The following SIL1 variants were observed in gnomAD, a reference collection of about 807,000 sequenced individuals.
SIL1 encodes SIL1 nucleotide exchange factor.
In SIL1, 40 loss-of-function variants were observed where a neutral mutation model predicts 49.1. That is an observed-to-expected ratio of 0.81 (90% CI 0.63 to 1.06). SIL1 has a LOEUF of 1.06. Ranked by LOEUF, SIL1 falls within the 50% of genes least tolerant of loss-of-function variation. The pLI is 0.00. For synonymous variants in SIL1, 253 were observed against 250.8 expected, an observed-to-expected ratio of 1.01 and a Z score of -0.08; for missense variants, 500 against 572.6, an observed-to-expected ratio of 0.87 and a Z score of 1.29.
Position 139,154,622 on chromosome 5 carries a change from C to T in SIL1, c.-10-26769G>A, listed in dbSNP as rs1463182013. On this transcript the variant is annotated intron_variant, in intron 1 of 9. Coordinates refer to ENST00000394817, the MANE Select transcript of SIL1 (RefSeq NM_022464.5). ...TCCTGCCCCTTGCCCAGGAATACCC[C>T]GGTGTAAAAAATATTTTGCAATATA... is the stretch of plus-strand genomic sequence containing the variant. 2.6e-5 allele frequency among the ~76,000 whole-genome samples: 4 copies of T among 152,162 alleles called. No individual in the cohort carries two copies. The East Asian group carries it at 5.8e-4, about 22-fold the overall frequency.
At chr5:138,956,543 A>G (rs777821271) in intron 7 of SIL1, among the ~76,000 whole-genome samples, 1 of 152,162 alleles carries the variant, frequency 6.6e-6, no homozygotes, top group Non-Finnish European at 1.5e-5. Context: ...CAGGAGTCCA[A>G]GACTAGTCTG....
chr5:138,991,786 G>A (rs1267371559), intron 7 of SIL1, among the ~76,000 whole-genome samples: 3 of 152,224 alleles, frequency 2.0e-5, no homozygotes, highest in Non-Finnish European at 4.4e-5. Context: ...GGCAGAAGGA[G>A]AGAAGAGAAG....
intron 1 of SIL1, among the ~76,000 whole-genome samples, chr5:139,191,619 TA>T (rs202242246): frequency 0.049 from 6,853 of 139,718 alleles, 163 homozygotes; most frequent in African/African-American, 0.07. Context: ...CCTGTCTCTT[TA>T]AAAAAAAAAA....
chr5:139,003,569 C>T (rs971896806), intron 7 of SIL1, among the ~76,000 whole-genome samples: 1 of 152,182 alleles, frequency 6.6e-6, no homozygotes, highest in Non-Finnish European at 1.5e-5. Flanking sequence ...ACAAGTTTTA[C>T]TAGGAGTGGG....
intron 3 of SIL1, among the ~76,000 whole-genome samples, chr5:139,095,655 T>C (rs1436065072): frequency 1.3e-5 from 2 of 151,934 alleles, no homozygotes; most frequent in African/African-American, 2.4e-5. Context: ...GTGCAAAAAA[T>C]ACAAAATTAC....
chr5:139,104,969 G>A (rs1457977471), intron 3 of SIL1, among the ~76,000 whole-genome samples: 1 of 152,122 alleles, frequency 6.6e-6, no homozygotes, highest in Non-Finnish European at 1.5e-5. Context: ...AGGAAAAGCG[G>A]AAGAAATGAG....
intron 1 of SIL1, among the ~76,000 whole-genome samples, chr5:139,185,557 C>T (rs1050985511): frequency 3.3e-5 from 5 of 152,072 alleles, no homozygotes; most frequent in African/African-American, 4.8e-5. Flanking sequence ...AACTTATGAC[C>T]GATGTCAAGT....
At chr5:139,116,781 G>A in intron 3 of SIL1, among the ~76,000 whole-genome samples, 1 of 152,160 alleles carries the variant, frequency 6.6e-6, no homozygotes, top group Admixed American at 6.5e-5. Flanking sequence ...CCAGAACAAA[G>A]GTATATATTT....
chr5:139,076,252 T>C (rs1769946243), intron 3 of SIL1, among the ~76,000 whole-genome samples: 1 of 152,222 alleles, frequency 6.6e-6, no homozygotes, highest in African/African-American at 2.4e-5. Flanking sequence ...CTGATCCTAT[T>C]TCTCTCTTGT....
intron 7 of SIL1, among the ~76,000 whole-genome samples, chr5:138,957,345 A>T (rs571578806): frequency 6.6e-6 from 1 of 150,744 alleles, no homozygotes; most frequent in East Asian, 2.0e-4. Flanking sequence ...CTAAGGTGGG[A>T]GGACTGCTTG....
At chr5:139,101,029 G>A (rs1407758650) in intron 3 of SIL1, among the ~76,000 whole-genome samples, 2 of 151,844 alleles carry the variant, frequency 1.3e-5, no homozygotes, top group Admixed American at 1.3e-4. Context: ...GAGGTCCAAG[G>A]ACTGAGCCTG....
intron 3 of SIL1, among the ~76,000 whole-genome samples, chr5:139,084,073 G>GGTTACT (rs1326499554): frequency 6.8e-6 from 1 of 147,558 alleles, no homozygotes; most frequent in Non-Finnish European, 1.5e-5. Context: ...ATGCTGTTTT[G>GGTTACT]GTTACTGTAG....
rs188721465 is a variant in SIL1 at position 139,161,356 on chromosome 5, C to T, written c.-10-33503G>A. Among the ~76,000 whole-genome samples, 14 of 152,162 alleles carry T rather than the reference C, an allele frequency of 9.2e-5. No individual in the cohort carries two copies. The East Asian group carries it at 2.3e-3, about 25-fold the overall frequency. ...TGTCCAATATCCTTCATTTGAGAGC[C>T]GTATAGTGAAGAGTAGACAACATCT... On this transcript the variant is annotated intron_variant, in intron 1 of 9. Transcript: ENST00000394817.
At chr5:139,019,408 A>G (rs933873527) in intron 7 of SIL1, among the ~76,000 whole-genome samples, 1 of 152,218 alleles carries the variant, frequency 6.6e-6, no homozygotes, top group African/African-American at 2.4e-5. Context: ...CTCTGGCGCC[A>G]TACCATGCTG....
chr5:139,176,773 G>C (rs1048819427), intron 1 of SIL1, among the ~76,000 whole-genome samples: 7 of 152,000 alleles, frequency 4.6e-5, no homozygotes, highest in Non-Finnish European at 8.8e-5. Context: ...GAACCACCTC[G>C]AGGGTTAGGT....
intron 3 of SIL1, among the ~76,000 whole-genome samples, chr5:139,099,835 A>C (rs1770548264): frequency 6.6e-6 from 1 of 152,198 alleles, no homozygotes; most frequent in Admixed American, 6.5e-5. Flanking sequence ...ATATTAAAAA[A>C]ATAGAAAGAA....
intron 4 of SIL1, among the ~76,000 whole-genome samples, chr5:139,044,467 C>T (rs1769108570): frequency 6.6e-6 from 1 of 152,202 alleles, no homozygotes; most frequent in East Asian, 1.9e-4. Context: ...ACTACATACA[C>T]ACAAGCATGC....
Position 138,947,045 on chromosome 5 carries a change from C to G in SIL1, c.*72G>C, listed in dbSNP as rs1337572310. The G allele has an allele frequency of 1.7e-6, 2 of 1,209,876 alleles. No homozygotes were observed. Among genetic ancestry groups the G allele is most frequent in the Non-Finnish European group, 2.4e-6 (2 of 831,014 alleles). The allele number at this position is 1,209,876 out of a possible 1,614,324, so 74.9% of individuals were successfully genotyped here. On this transcript the variant is annotated 3_prime_UTR_variant, in exon 10 of 10. Transcript: ENST00000394817. This position sits in a 1 kb window ranked among gnomAD's most constrained non-coding sequence, Gnocchi z 4.1. ...CAGCACTGCCAAGATGTCCTCCTGC[C>G]TGAGAAGCCCACCCACGCTGGCACC...
chr5:139,087,927 C>T (rs951631119), intron 3 of SIL1, among the ~76,000 whole-genome samples: 2 of 152,134 alleles, frequency 1.3e-5, no homozygotes, highest in Non-Finnish European at 2.9e-5. Flanking sequence ...ATCCAGCCAC[C>T]CACCCACAGC....
Sources: allele counts gnomAD v4.1 joint callset (sites outside exome capture counted in the v4.1 genomes callset), GRCh38; gene constraint gnomAD v4.1.1; non-coding constraint Gnocchi (gnomAD v3.1); transcripts MANE v1.5; gene names NCBI Gene and HGNC (gene_info 2026-07-23, HGNC 2026-07-21).